Variants in SBF2 observed in about 807,000 individuals in gnomAD.
SBF2 encodes the protein myotubularin-related protein 13.
In SBF2, 112 loss-of-function variants were observed where a neutral mutation model predicts 225.2. The ratio of observed to expected loss-of-function variants is 0.50; its 90% CI spans 0.43 to 0.58. SBF2 has a LOEUF of 0.58. SBF2 is among the 20% of genes least tolerant of loss of function. The pLI, the probability that SBF2 is intolerant of heterozygous loss-of-function variation, is 0.00. For synonymous variants in SBF2, 763 were observed against 773.3 expected, an observed-to-expected ratio of 0.99 and a Z score of 0.22; for missense variants, 1,996 against 2,206.2, an observed-to-expected ratio of 0.90 and a Z score of 1.91.
intron 17 of SBF2, among the ~76,000 whole-genome samples, chr11:9,885,272 A>AAAAC: frequency 6.7e-6 from 1 of 149,984 alleles, no homozygotes; most frequent in Non-Finnish European, 1.5e-5. Flanking sequence ...AAAAAAAAAA[A>AAAAC]AAAACCCCAC....
chr11:10,258,546 A>AT (rs748920997), intron 1 of SBF2, among the ~76,000 whole-genome samples: 152 of 152,334 alleles, frequency 1.0e-3, no homozygotes, highest in Non-Finnish European at 1.7e-3. Context: ...TAAAAAAAAA[A>AT]TTTCACATGA....
chr11:10,259,845 T>C (rs557435878), intron 1 of SBF2, among the ~76,000 whole-genome samples: 6 of 152,048 alleles, frequency 3.9e-5, no homozygotes, highest in African/African-American at 9.7e-5. Flanking sequence ...AGACCTACTA[T>C]AATAACAAAA....
chr11:10,105,963 T>C (rs1378971511), intron 2 of SBF2, among the ~76,000 whole-genome samples: 1 of 152,226 alleles, frequency 6.6e-6, no homozygotes, highest in East Asian at 1.9e-4. Flanking sequence ...AATTGCATTA[T>C]CTTCAAAAGT....
Position 10,182,119 on chromosome 11 carries a change from C to T in SBF2, c.141+11783G>A, listed in dbSNP as rs188919010. Among the ~76,000 whole-genome samples the T allele has an allele frequency of 3.9e-4, 60 of 152,220 alleles. 1 individual carries two copies. Among genetic ancestry groups the T allele is most frequent in the African/African-American group, 1.3e-3 (54 of 41,518 alleles). On this transcript the variant is annotated intron_variant, in intron 2 of 39. Coordinates refer to ENST00000256190, the MANE Select transcript of SBF2 (RefSeq NM_030962.4). ...ATGGTAATATCCGTAACTGGAAACT[C>T]TCAAAGAATTATTCAAAGTCAAGCA...
At chr11:10,009,135 C>T (rs1948331100) in intron 6 of SBF2, among the ~76,000 whole-genome samples, 1 of 152,174 alleles carries the variant, frequency 6.6e-6, no homozygotes, top group African/African-American at 2.4e-5. Context: ...TCAAGGAAAC[C>T]ACACACAAGG....
chr11:10,277,599 T>C (rs911902868), intron 1 of SBF2, among the ~76,000 whole-genome samples: 5 of 152,220 alleles, frequency 3.3e-5, no homozygotes, highest in Admixed American at 2.0e-4. Flanking sequence ...TGTGACTTTA[T>C]TTGGAAACAG....
chr11:10,063,858 C>CACACACACAG (rs373423157), intron 2 of SBF2, among the ~76,000 whole-genome samples: 203 of 136,232 alleles, frequency 1.5e-3, no homozygotes, highest in Middle Eastern at 0.011. Context: ...CACACACACA[C>CACACACACAG]AGAGAGAGAG....
chr11:10,160,133 A>C (rs1337330903), intron 2 of SBF2, among the ~76,000 whole-genome samples: 1 of 152,202 alleles, frequency 6.6e-6, no homozygotes, highest in Non-Finnish European at 1.5e-5. Context: ...ATATCTTTGC[A>C]GATGACATAA....
intron 2 of SBF2, among the ~76,000 whole-genome samples, chr11:10,160,058 G>A (rs961972241): frequency 7.8e-4 from 119 of 151,970 alleles, no homozygotes; most frequent in African/African-American, 2.7e-3. Flanking sequence ...GAACCCCTTG[G>A]GCAGTTACAA....
intron 3 of SBF2, among the ~76,000 whole-genome samples, chr11:10,034,296 T>A (rs1949360990): frequency 6.6e-6 from 1 of 152,214 alleles, no homozygotes; most frequent in African/African-American, 2.4e-5. Context: ...TATGTGTAGT[T>A]CATCATCTCT....
rs1454023310 is a variant in SBF2 at position 9,804,547 on chromosome 11, AC to A, written c.4443+3452del. 2.0e-5 allele frequency among the ~76,000 whole-genome samples: 3 copies of A among 152,216 alleles called. No homozygotes were observed. In the East Asian group the frequency reaches 5.8e-4, roughly 29 times the overall value. ...GTGTAACCATCACCACAATCATGATACAGAACAGTTTCCTGACGCTGAAAAG... is the reference window on the plus strand; with the variant it reads ...GTGTAACCATCACCACAATCATGATAAGAACAGTTTCCTGACGCTGAAAAG... On this transcript the variant is annotated intron_variant, in intron 32 of 39. Coordinates refer to ENST00000256190, the MANE Select transcript of SBF2 (RefSeq NM_030962.4).
chr11:10,231,603 G>T (rs930949628), intron 1 of SBF2, among the ~76,000 whole-genome samples: 2 of 152,236 alleles, frequency 1.3e-5, no homozygotes, highest in African/African-American at 4.8e-5. Context: ...GGTATCAGCA[G>T]CGGTGGCTGC....
At chr11:9,786,530 A>AAAGGTTTTCTTCTACCCTCCATT (rs1261421880) in intron 36 of SBF2, among the ~76,000 whole-genome samples, 1 of 152,144 alleles carries the variant, frequency 6.6e-6, no homozygotes, top group African/African-American at 2.4e-5. Flanking sequence ...TTTTTACCAC[A>AAAGGTTTTCTTCTACCCTCCATT]AAGGTTTTCT....
At chr11:10,035,059 G>C (rs1480898221) in intron 3 of SBF2, among the ~76,000 whole-genome samples, 1 of 152,082 alleles carries the variant, frequency 6.6e-6, no homozygotes, top group African/African-American at 2.4e-5. Context: ...CCACCTCCTG[G>C]GTTCATGCCA....
At chr11:10,162,135 T>C (rs1955774439) in intron 2 of SBF2, among the ~76,000 whole-genome samples, 1 of 151,286 alleles carries the variant, frequency 6.6e-6, no homozygotes, top group Non-Finnish European at 1.5e-5. Context: ...CATGAGTCTT[T>C]GACAACATCA....
At chr11:9,941,005 T>G (rs1047465150) in intron 16 of SBF2, among the ~76,000 whole-genome samples, 1 of 152,186 alleles carries the variant, frequency 6.6e-6, no homozygotes, top group African/African-American at 2.4e-5. Context: ...GAAGAGACTA[T>G]AATTAGAAAT....
chr11:10,037,658 T>C (rs1949495137), intron 3 of SBF2, among the ~76,000 whole-genome samples: 1 of 151,966 alleles, frequency 6.6e-6, no homozygotes, highest in African/African-American at 2.4e-5. Flanking sequence ...ATCCTTATTA[T>C]TGGAAGAAAA....
chr11:10,293,691 A>C (rs1964318693), intron 1 of SBF2, among the ~76,000 whole-genome samples: 1 of 152,094 alleles, frequency 6.6e-6, no homozygotes, highest in South Asian at 2.1e-4. Context: ...CCTGGGCCCA[A>C]TCTCAGGGCT....
chr11:9,908,758 T>C (rs1162616374), intron 16 of SBF2, among the ~76,000 whole-genome samples: 1 of 152,026 alleles, frequency 6.6e-6, no homozygotes, highest in Non-Finnish European at 1.5e-5. Flanking sequence ...AGTGCGGTGG[T>C]GTGATTTTGG....
Sources: allele counts gnomAD v4.1 joint callset (sites outside exome capture counted in the v4.1 genomes callset), GRCh38; gene constraint gnomAD v4.1.1; transcripts MANE v1.5; gene names NCBI Gene and HGNC (gene_info 2026-07-23, HGNC 2026-07-21).